The following PPP1R9A variants were observed in gnomAD, a reference collection of about 807,000 sequenced individuals.
PPP1R9A encodes the protein neurabin-1.
A neutral mutation model predicts 141.9 loss-of-function variants in PPP1R9A; 59 were observed. The observed-to-expected ratio is 0.42, with a 90% CI of 0.34 to 0.52. The LOEUF (loss-of-function observed/expected upper bound fraction) is 0.52. PPP1R9A is among the 20% of genes least tolerant of loss of function. The probability of loss-of-function intolerance (pLI) is 0.10; values close to 1 mark genes in which losing one functional copy is unlikely to be tolerated. For missense variants in PPP1R9A, 1,444 were observed against 1,611.9 expected, an observed-to-expected ratio of 0.90 and a Z score of 1.78; for synonymous variants, 500 against 569.7, an observed-to-expected ratio of 0.88 and a Z score of 1.74.
chr7:95,284,375 G>A, intron 17 of PPP1R9A, 45 bp downstream of exon 17: 30 of 1,368,290 alleles, frequency 2.2e-5, no homozygotes, highest in Non-Finnish European at 2.8e-5. Context: ...CTTATGTGGG[G>A]AAAAGAAAGC....
intron 13 of PPP1R9A, 97 bp downstream of exon 13, chr7:95,268,804 A>C: frequency 7.0e-7 from 1 of 1,424,008 alleles, no homozygotes; most frequent in Non-Finnish European, 9.5e-7. Context: ...AACAGAGTCT[A>C]TGTCCTAGTT....
At chr7:95,143,052 A>G (rs1270745662) in intron 4 of PPP1R9A, among the ~76,000 whole-genome samples, 1 of 152,156 alleles carries the variant, frequency 6.6e-6, no homozygotes, top group East Asian at 1.9e-4. Flanking sequence ...GAATATCCCA[A>G]GGAATTCTCT....
chr7:95,016,313 T>C (rs73425102), intron 2 of PPP1R9A, among the ~76,000 whole-genome samples: 3,706 of 152,106 alleles, frequency 0.024, 158 homozygotes, highest in African/African-American at 0.085. Context: ...AATTAGAGAA[T>C]ACAGCAACAG....
intron 2 of PPP1R9A, among the ~76,000 whole-genome samples, chr7:95,062,287 T>G (rs747577093): frequency 3.3e-5 from 5 of 152,110 alleles, no homozygotes; most frequent in Non-Finnish European, 7.4e-5. Flanking sequence ...CAGTTCACAT[T>G]TGAGATGGCA....
chr7:95,057,919 T>C (rs1811711090), intron 2 of PPP1R9A, among the ~76,000 whole-genome samples: 4 of 152,152 alleles, frequency 2.6e-5, no homozygotes, highest in Admixed American at 2.6e-4. Context: ...AGATCAGGAA[T>C]TGGGGAGACC....
At chr7:95,199,732 G>C (rs1025925467) in intron 6 of PPP1R9A, among the ~76,000 whole-genome samples, 2 of 152,078 alleles carry the variant, frequency 1.3e-5, no homozygotes, top group African/African-American at 4.8e-5. Context: ...TCATTACACT[G>C]AGATATTTTG....
At chr7:95,274,636 A>G (rs886366331) in intron 16 of PPP1R9A, among the ~76,000 whole-genome samples, 1 of 152,156 alleles carries the variant, frequency 6.6e-6, no homozygotes, top group African/African-American at 2.4e-5. Context: ...GCACTTGGCT[A>G]TTTAATTGAT....
At chr7:95,014,732 A>G (rs114778596) in intron 2 of PPP1R9A, among the ~76,000 whole-genome samples, 17 of 152,228 alleles carry the variant, frequency 1.1e-4, no homozygotes, top group African/African-American at 3.6e-4. Flanking sequence ...TTACTATGAT[A>G]GTTGTAAAAT....
intron 2 of PPP1R9A, among the ~76,000 whole-genome samples, chr7:94,974,820 A>G (rs1200031216): frequency 1.3e-5 from 2 of 152,206 alleles, no homozygotes; most frequent in Non-Finnish European, 1.5e-5. Context: ...ATAAGTCAAG[A>G]CAAGTTATAG....
intron 12 of PPP1R9A, among the ~76,000 whole-genome samples, chr7:95,256,538 C>G (rs1295421651): frequency 2.0e-5 from 3 of 151,988 alleles, no homozygotes; most frequent in Non-Finnish European, 4.4e-5. Flanking sequence ...ATGTTATACT[C>G]CAAGAATTTC....
intron 7 of PPP1R9A, among the ~76,000 whole-genome samples, chr7:95,215,223 T>A (rs1793080344): frequency 6.6e-6 from 1 of 150,730 alleles, no homozygotes; most frequent in South Asian, 2.1e-4. Flanking sequence ...ATGCGGTGTT[T>A]GTTTTTTTTG....
intron 2 of PPP1R9A, among the ~76,000 whole-genome samples, chr7:95,019,331 C>T (rs1320820253): frequency 6.6e-6 from 1 of 152,036 alleles, no homozygotes; most frequent in Non-Finnish European, 1.5e-5. Context: ...TGCAGTGAGC[C>T]CAGATCGCAA....
At chr7:95,141,297 G>A (rs904829810) in intron 4 of PPP1R9A, among the ~76,000 whole-genome samples, 2 of 152,082 alleles carry the variant, frequency 1.3e-5, no homozygotes, top group African/African-American at 4.8e-5. Context: ...GAAGCTGATG[G>A]TGTTTCAGAT....
intron 14 of PPP1R9A, 79 bp downstream of exon 14, chr7:95,269,586 G>A (rs1801840616): frequency 8.3e-7 from 1 of 1,207,470 alleles, no homozygotes; most frequent in Non-Finnish European, 1.1e-6. Flanking sequence ...ATAATCATAA[G>A]TCATTTGTTT....
intron 2 of PPP1R9A, among the ~76,000 whole-genome samples, chr7:95,002,732 A>G (rs1803113541): frequency 6.6e-6 from 1 of 152,220 alleles, no homozygotes. Flanking sequence ...TTTGTCTTCA[A>G]GCTGAGATTA....
At chr7:95,110,305 T>G (rs1226884135) in intron 2 of PPP1R9A, among the ~76,000 whole-genome samples, 1 of 152,208 alleles carries the variant, frequency 6.6e-6, no homozygotes, top group South Asian at 2.1e-4. Context: ...TTCTGCCTTC[T>G]GTTTCTACTG....
At chr7:95,235,958 C>T (rs996666546) in intron 8 of PPP1R9A, among the ~76,000 whole-genome samples, 2 of 152,132 alleles carry the variant, frequency 1.3e-5, no homozygotes, top group African/African-American at 4.8e-5. Context: ...TACACAAAGG[C>T]ATGAGTGATA....
chr7:95,132,168 T>A (rs1466281652), intron 4 of PPP1R9A, among the ~76,000 whole-genome samples: 5 of 152,168 alleles, frequency 3.3e-5, no homozygotes, highest in Non-Finnish European at 7.3e-5. Flanking sequence ...CTTATTTGGA[T>A]GTCTTATTTC....
intron 2 of PPP1R9A, among the ~76,000 whole-genome samples, chr7:94,996,904 G>T (rs1802262934): frequency 6.8e-6 from 1 of 148,012 alleles, no homozygotes. Flanking sequence ...CCAGGTTCAA[G>T]CAATTCCCCT....
Sources: allele counts gnomAD v4.1 joint callset (sites outside exome capture counted in the v4.1 genomes callset), GRCh38; gene constraint gnomAD v4.1.1; transcripts MANE v1.5; gene names NCBI Gene and HGNC (gene_info 2026-07-23, HGNC 2026-07-21).